The following PBX1 variants were observed in gnomAD, a reference collection of about 807,000 sequenced individuals.
PBX1 encodes PBX homeobox 1.
A neutral mutation model predicts 53.4 loss-of-function variants in PBX1; 6 were observed. The ratio of observed to expected loss-of-function variants is 0.11; its 90% CI spans 0.06 to 0.22. PBX1 has a LOEUF of 0.22. Ranked by LOEUF, PBX1 falls within the 10% of genes least tolerant of loss-of-function variation. The probability of loss-of-function intolerance (pLI) is 1.00; values close to 1 mark genes in which losing one functional copy is unlikely to be tolerated. For missense variants in PBX1, 251 were observed against 551.4 expected (o/e 0.46, Z 5.46); for synonymous variants, 204 against 212.3 (o/e 0.96, Z 0.34).
At chr1:164,671,719 G>A (rs1156429034) in intron 2 of PBX1, among the ~76,000 whole-genome samples, 1 of 152,130 alleles carries the variant, frequency 6.6e-6, no homozygotes, top group East Asian at 1.9e-4. Flanking sequence ...GGTGGGGGAG[G>A]TTAAGAGTAA....
chr1:164,771,672 CTA>C (rs1337913757), intron 2 of PBX1: 1 of 151,838 alleles, frequency 6.6e-6, no homozygotes, highest in African/African-American at 2.4e-5. Flanking sequence ...CTGGGACAAA[CTA>C]TTTTTTATTT....
In PBX1 at chr1:164,664,730, G is replaced by A. The variant is rs190652014; in HGVS notation, c.265+101419G>A. Among the ~76,000 whole-genome samples the A allele has an allele frequency of 1.9e-4, 29 of 152,312 alleles. No homozygotes were observed. The East Asian group carries it at 5.4e-3, about 28-fold the overall frequency. On this transcript the variant is annotated intron_variant, in intron 2 of 8. Transcript: ENST00000420696. ...TGGCTGGGGAGGCCTCACAATCATGGCGGAAGGCAAGGAGGAGCAAGTCAT... is the reference window on the plus strand; with the variant it reads ...TGGCTGGGGAGGCCTCACAATCATGACGGAAGGCAAGGAGGAGCAAGTCAT...
At chr1:164,568,337 T>TA (rs11388718) in intron 2 of PBX1, among the ~76,000 whole-genome samples, 96,418 of 150,994 alleles carry the variant, frequency 0.64, 31,808 homozygotes, top group East Asian at 0.85. Context: ...GCTTTTCCTT[T>TA]AAAAAAAAAG....
intron 3 of PBX1, among the ~76,000 whole-genome samples, chr1:164,798,552 A>G (rs759895881): frequency 3.2e-4 from 49 of 152,222 alleles, no homozygotes; most frequent in Non-Finnish European, 3.2e-4. Flanking sequence ...GCCCTGGCCT[A>G]AAATAGGAAG....
rs201528767 is a variant in PBX1, at chr1:164,792,063, T to TC, written c.266-430dup. 3.5e-3 allele frequency among the ~76,000 whole-genome samples: 534 copies of TC among 152,156 alleles called. 7 individuals carry two copies. The highest frequency in any genetic ancestry group is 0.011 in the African/African-American group (473 of 41,462). ...TGGTCTCGATCTCCTGACCTCGTGA[T>TC]CAACCCCCCACTCAGCCTCCCAAAG... is the stretch of plus-strand genomic sequence containing the variant. On this transcript the variant is annotated intron_variant, in intron 2 of 8. Transcript: ENST00000420696.
rs1227800875 is a variant in PBX1, at chr1:164,849,173, T to C, written c.*2497T>C. The C allele has an allele frequency of 9.3e-6, 13 of 1,392,266 alleles. No homozygotes were observed. The Admixed American group carries it at 2.6e-4, about 28-fold the overall frequency. 86.2% of individuals were successfully genotyped at this position (1,392,266 alleles called of 1,614,324 possible). A position where few individuals can be genotyped will look rare whatever the true frequency, so the allele number is the denominator to read the frequency against. On this transcript the variant is annotated 3_prime_UTR_variant, in exon 9 of 9. Coordinates refer to ENST00000420696, the MANE Select transcript of PBX1 (RefSeq NM_002585.4). ...AGGGTTCTCTTGGAAACAAGAAGAG[T>C]GACTCCAGATGTGGCCTGAATAATT...
chr1:164,587,994 G>C (rs576243243), intron 2 of PBX1, among the ~76,000 whole-genome samples: 1 of 152,200 alleles, frequency 6.6e-6, no homozygotes. Flanking sequence ...CTCATCTTCT[G>C]TGCTGGGATA....
At chr1:164,811,936 A>G (rs1028230545) in intron 5 of PBX1, 54 bp from the exon 6 acceptor site, 4 of 1,494,272 alleles carry the variant, frequency 2.7e-6, no homozygotes, top group South Asian at 1.3e-5. Context: ...TTCTTCTGCA[A>G]TGTTTCTGAA....
At chr1:164,628,539 A>T (rs996256714) in intron 2 of PBX1, among the ~76,000 whole-genome samples, 2 of 152,214 alleles carry the variant, frequency 1.3e-5, no homozygotes, top group Non-Finnish European at 2.9e-5. Flanking sequence ...TTCTCATTGC[A>T]GCTGAGCTTT....
intron 5 of PBX1, among the ~76,000 whole-genome samples, 168 bp from the exon 6 acceptor site, chr1:164,811,822 T>A (rs1669627396): frequency 6.6e-6 from 1 of 152,148 alleles, no homozygotes; most frequent in African/African-American, 2.4e-5. Context: ...TATGTAGTTG[T>A]CCTTTTGAAG....
chr1:164,732,922 CCTTT>C (rs2102143098), intron 2 of PBX1, among the ~76,000 whole-genome samples: 1 of 152,312 alleles, frequency 6.6e-6, no homozygotes, highest in Non-Finnish European at 1.5e-5. Context: ...CTTTGGTCTT[CCTTT>C]GTCTCCATCT....
At chr1:164,731,166 C>G (rs1664960735) in intron 2 of PBX1, among the ~76,000 whole-genome samples, 1 of 152,170 alleles carries the variant, frequency 6.6e-6, no homozygotes, top group African/African-American at 2.4e-5. Context: ...GCTGGACTCC[C>G]TCTCTGTAGG....
chr1:164,657,937 C>T (rs1403830897), intron 2 of PBX1, among the ~76,000 whole-genome samples: 1 of 152,132 alleles, frequency 6.6e-6, no homozygotes, highest in African/African-American at 2.4e-5. Context: ...GTCTTGCCAT[C>T]TTATCATCAT....
chr1:164,618,147 A>C (rs1274448127), intron 2 of PBX1, among the ~76,000 whole-genome samples: 1 of 152,204 alleles, frequency 6.6e-6, no homozygotes, highest in Non-Finnish European at 1.5e-5. Flanking sequence ...TTGAATTATA[A>C]GGTGGCATTG....
At chr1:164,687,736 A>G (rs899622573) in intron 2 of PBX1, among the ~76,000 whole-genome samples, 1 of 152,190 alleles carries the variant, frequency 6.6e-6, no homozygotes, top group Non-Finnish European at 1.5e-5. Flanking sequence ...CTTATTGGCA[A>G]TATGAGGTGG....
At chr1:164,671,618 G>A (rs906495765) in intron 2 of PBX1, among the ~76,000 whole-genome samples, 8 of 152,026 alleles carry the variant, frequency 5.3e-5, no homozygotes, top group African/African-American at 1.9e-4. Context: ...GCTGTTCTCT[G>A]TCCTTTGCTC....
chr1:164,722,776 G>A (rs1483933735), intron 2 of PBX1, among the ~76,000 whole-genome samples: 1 of 151,396 alleles, frequency 6.6e-6, no homozygotes, highest in African/African-American at 2.4e-5. Flanking sequence ...CTTTGAAGAA[G>A]GGTATGAACT....
chr1:164,834,037 G>GT (rs1246880229), intron 8 of PBX1, among the ~76,000 whole-genome samples: 1 of 143,958 alleles, frequency 6.9e-6, no homozygotes, highest in Non-Finnish European at 1.5e-5. Context: ...ATATGTGTGT[G>GT]TGTGTGTGTG....
chr1:164,621,144 A>T (rs995091457), intron 2 of PBX1, among the ~76,000 whole-genome samples: 1 of 152,078 alleles, frequency 6.6e-6, no homozygotes, highest in Non-Finnish European at 1.5e-5. Context: ...GCGTGACACC[A>T]TGCCCAGCTA....
Sources: allele counts gnomAD v4.1 joint callset (sites outside exome capture counted in the v4.1 genomes callset), GRCh38; gene constraint gnomAD v4.1.1; transcripts MANE v1.5; gene names NCBI Gene and HGNC (gene_info 2026-07-23, HGNC 2026-07-21).